The following CLDN16 variants were observed in gnomAD, a reference collection of about 807,000 sequenced individuals.
CLDN16 encodes the protein claudin-16.
CLDN16 carries 13 observed loss-of-function variants against 24.6 expected under a neutral mutation model. The observed-to-expected ratio is 0.53, with a 90% CI of 0.34 to 0.84. The LOEUF (loss-of-function observed/expected upper bound fraction) is 0.84, where lower values mean the gene tolerates loss of function less well. Among genes scored for constraint, CLDN16 ranks in the 40% least tolerant of loss-of-function variants. The pLI is 0.01. For synonymous variants in CLDN16, 116 were observed against 106.7 expected, an observed-to-expected ratio of 1.09 and a Z score of -0.54; for missense variants, 298 against 292.7, an observed-to-expected ratio of 1.02 and a Z score of -0.13.
At chr3:190,402,515 G>A (rs552956716) in intron 2 of CLDN16, 76 bp downstream of exon 2, 24 of 1,163,534 alleles carry the variant, frequency 2.1e-5, no homozygotes, top group Admixed American at 2.0e-4. Flanking sequence ...TCCATTTTGT[G>A]CTTTGTTTTC....
chr3:190,322,931 T>C (rs1226521378), intron 1 of CLDN16, among the ~76,000 whole-genome samples: 2 of 151,736 alleles, frequency 1.3e-5, no homozygotes, highest in Admixed American at 1.3e-4. Context: ...TTCCATCACT[T>C]GTCTCTGCAA....
the CLDN16 span, among the ~76,000 whole-genome samples, chr3:190,315,700 C>T: frequency 6.6e-6 from 1 of 152,060 alleles, no homozygotes; most frequent in East Asian, 1.9e-4. Flanking sequence ...CCAAGTTTTT[C>T]TCTTTGTTCA....
intron 1 of CLDN16, among the ~76,000 whole-genome samples, chr3:190,346,644 C>T (rs1218991447): frequency 6.6e-6 from 1 of 152,244 alleles, no homozygotes; most frequent in South Asian, 2.1e-4. Flanking sequence ...TTTTCTGGAG[C>T]CCAGACGTCT....
intron 1 of CLDN16, among the ~76,000 whole-genome samples, chr3:190,335,033 T>TTC (rs1717268654): frequency 1.7e-5 from 2 of 117,292 alleles, no homozygotes; most frequent in Non-Finnish European, 3.6e-5. Context: ...CTTTTTTTTT[T>TTC]TTTTTGTTTG....
chr3:190,310,209 C>T, the CLDN16 span: 42 of 1,613,748 alleles, frequency 2.6e-5, no homozygotes, highest in Middle Eastern at 1.6e-4. Flanking sequence ...AATTCTTGAA[C>T]GATTCTATTG....
At chr3:190,369,278 C>G (rs1398839903) in intron 1 of CLDN16, among the ~76,000 whole-genome samples, 1 of 151,924 alleles carries the variant, frequency 6.6e-6, no homozygotes, top group African/African-American at 2.4e-5. Flanking sequence ...GCCCATTGTA[C>G]CCAGCCATGT....
At chr3:190,406,886 C>T (rs528608889) in intron 3 of CLDN16, among the ~76,000 whole-genome samples, 3 of 151,812 alleles carry the variant, frequency 2.0e-5, no homozygotes, top group Non-Finnish European at 2.9e-5. Flanking sequence ...GGACTACAGG[C>T]GCCCACCACC....
the CLDN16 span, chr3:190,312,865 C>T: frequency 6.2e-7 from 1 of 1,613,956 alleles, no homozygotes; most frequent in East Asian, 2.2e-5. Flanking sequence ...GGCACAGCCT[C>T]TATTACCTGC....
intron 1 of CLDN16, among the ~76,000 whole-genome samples, chr3:190,331,295 T>C (rs568052147): frequency 9.2e-5 from 14 of 152,178 alleles, no homozygotes; most frequent in African/African-American, 3.1e-4. Context: ...TCCCACAAGC[T>C]TTATCAAATA....
chr3:190,378,071 A>C (rs924025854), intron 3 of CLDN16, among the ~76,000 whole-genome samples: 23 of 151,952 alleles, frequency 1.5e-4, no homozygotes, highest in Admixed American at 9.2e-4. Flanking sequence ...TTATTTACTT[A>C]CTGGAAAAAC....
chr3:190,338,275 TG>T (rs1255844047), intron 1 of CLDN16, among the ~76,000 whole-genome samples: 1 of 152,196 alleles, frequency 6.6e-6, no homozygotes, highest in Non-Finnish European at 1.5e-5. Flanking sequence ...AGCTGATACA[TG>T]ATCACTTCTA....
At chr3:190,393,407 T>C (rs570038963) in intron 1 of CLDN16, among the ~76,000 whole-genome samples, 3 of 152,322 alleles carry the variant, frequency 2.0e-5, no homozygotes, top group African/African-American at 7.2e-5. Flanking sequence ...AGGCAGTGGC[T>C]GTATGAATTT....
chr3:190,313,075 G>C, the CLDN16 span: 1 of 1,611,846 alleles, frequency 6.2e-7, no homozygotes, highest in Non-Finnish European at 8.5e-7. Context: ...AAATATGCTT[G>C]GACCAACAAG....
At chr3:190,382,484 T>G (rs1347210090) in intron 3 of CLDN16, among the ~76,000 whole-genome samples, 1 of 152,106 alleles carries the variant, frequency 6.6e-6, no homozygotes, top group Non-Finnish European at 1.5e-5. Context: ...TTCTCCACAT[T>G]GGAGATGTCA....
chr3:190,297,494 ATATT>A, the CLDN16 span, among the ~76,000 whole-genome samples: 4 of 89,786 alleles, frequency 4.5e-5, no homozygotes, highest in African/African-American at 2.0e-4. Flanking sequence ...TTATATATCT[ATATT>A]TATATCTATA....
intron 1 of CLDN16, among the ~76,000 whole-genome samples, chr3:190,350,519 C>T (rs1717649438): frequency 6.6e-6 from 1 of 151,924 alleles, no homozygotes; most frequent in African/African-American, 2.4e-5. Flanking sequence ...ATACCAAAAT[C>T]AAGAGAACAT....
At chr3:190,373,017 G>T (rs1288354237) in intron 2 of CLDN16, among the ~76,000 whole-genome samples, 1 of 151,690 alleles carries the variant, frequency 6.6e-6, no homozygotes, top group Non-Finnish European at 1.5e-5. Context: ...CTCTTCAAAG[G>T]GCAGCCCCTT....
chr3:190,345,855 A>C (rs372040302), intron 1 of CLDN16, among the ~76,000 whole-genome samples: 216 of 152,284 alleles, frequency 1.4e-3, no homozygotes, highest in African/African-American at 4.8e-3. Flanking sequence ...TAACAACTGT[A>C]TGTTTATTAC....
chr3:190,392,801 G>A lies in CLDN16; in HGVS notation c.114+4358G>A, dbSNP rs192535091. On this transcript the variant is annotated intron_variant, in intron 1 of 4. Coordinates refer to ENST00000264734, the MANE Select transcript of CLDN16 (RefSeq NM_006580.4). ...CATCATAGTAAGAATTTCCAGTTTA[G>A]AGAAAAGAATACAGGGGTTGGGTCA... Among the ~76,000 whole-genome samples, 30 of 152,258 alleles carry A rather than the reference G, an allele frequency of 2.0e-4. No homozygotes were observed. In the East Asian group the frequency reaches 5.8e-3, roughly 29 times the overall value.
Sources: gnomAD v4.1 joint callset for allele counts (sites outside exome capture counted in the v4.1 genomes callset) on GRCh38, gnomAD v4.1.1 for gene constraint, MANE v1.5 for transcripts, NCBI Gene and HGNC (gene_info 2026-07-23, HGNC 2026-07-21) for gene names.